ARHGAP5: variants seen among roughly 807,000 people sequenced by gnomAD.
ARHGAP5 encodes the protein Rho GTPase activating protein 5, also known as rho GTPase-activating protein 5.
ARHGAP5 carries 23 observed loss-of-function variants against 116.6 expected under a neutral mutation model. That is an observed-to-expected ratio of 0.20 (90% CI 0.14 to 0.28). The LOEUF is 0.28. Among genes scored for constraint, ARHGAP5 ranks in the 10% least tolerant of loss-of-function variants. The probability of loss-of-function intolerance (pLI) is 1.00; values close to 1 mark genes in which losing one functional copy is unlikely to be tolerated. For synonymous variants in ARHGAP5, 574 were observed against 602.0 expected (o/e 0.95, Z 0.68); for missense variants, 1,405 against 1,774.8 (o/e 0.79, Z 3.74).
chr14:32,157,081 C>T lies in ARHGAP5; in HGVS notation c.*2133C>T, dbSNP rs1881922569. The stretch of plus-strand genomic sequence containing the variant: ...CATTAACCCACCTTGCACCTTCCCC[C>T]AAACTTATCTCCACTTTTCTATGCA... On this transcript the variant is annotated 3_prime_UTR_variant, in exon 7 of 7. Coordinates refer to ENST00000345122, the MANE Select transcript of ARHGAP5 (RefSeq NM_001030055.2). The T allele has an allele frequency of 6.6e-6, 1 of 152,280 alleles. No individual in the cohort carries two copies. The highest frequency in any genetic ancestry group is 2.4e-5 in the African/African-American group (1 of 41,422). The allele number at this position is 152,280 out of a possible 1,614,324, so 9.4% of individuals were successfully genotyped here. A position where few individuals can be genotyped will look rare whatever the true frequency, so the allele number is the denominator to read the frequency against.
At chr14:32,096,936 C>A (rs1007357607) in intron 2 of ARHGAP5, among the ~76,000 whole-genome samples, 6 of 152,282 alleles carry the variant, frequency 3.9e-5, no homozygotes, top group Non-Finnish European at 5.9e-5. Context: ...ATTTTGAAAT[C>A]GACTAACCTC....
chr14:32,114,912 C>T (rs1879478021), intron 2 of ARHGAP5, among the ~76,000 whole-genome samples: 1 of 152,138 alleles, frequency 6.6e-6, no homozygotes, highest in South Asian at 2.1e-4. Flanking sequence ...ATACATTTTT[C>T]TGATTAAAAA....
chr14:32,099,829 C>T (rs1322748866), intron 2 of ARHGAP5, among the ~76,000 whole-genome samples: 1 of 152,126 alleles, frequency 6.6e-6, no homozygotes, highest in Non-Finnish European at 1.5e-5. Flanking sequence ...AGCTTTTGGG[C>T]ATTAATGGCA....
At chr14:32,086,046 G>T (rs114095101) in intron 1 of ARHGAP5, among the ~76,000 whole-genome samples, 3,108 of 152,208 alleles carry the variant, frequency 0.02, 119 homozygotes, top group African/African-American at 0.071. Flanking sequence ...AAAGATTTGT[G>T]CCTTGTGACT....
chr14:32,143,287 G>C (rs1257894685), intron 3 of ARHGAP5, among the ~76,000 whole-genome samples: 1 of 151,874 alleles, frequency 6.6e-6, no homozygotes, highest in Non-Finnish European at 1.5e-5. Flanking sequence ...CTTTCGCCCA[G>C]GCTGGAGTGC....
intron 3 of ARHGAP5, among the ~76,000 whole-genome samples, chr14:32,143,389 C>CCCA (rs887023193): frequency 5.9e-5 from 9 of 152,022 alleles, no homozygotes; most frequent in African/African-American, 1.9e-4. Flanking sequence ...ACTACAGGTG[C>CCCA]CCACCACCAC....
intron 1 of ARHGAP5, chr14:32,078,135 C>T (rs182509494): frequency 4.0e-5 from 6 of 151,244 alleles, no homozygotes; most frequent in East Asian, 3.9e-4. Context: ...TCCTCTCTTT[C>T]CACTAAAGAA....
At chr14:32,123,484 T>A (rs1650123959) in intron 3 of ARHGAP5, among the ~76,000 whole-genome samples, 1 of 152,138 alleles carries the variant, frequency 6.6e-6, no homozygotes, top group African/African-American at 2.4e-5. Context: ...ATAAAATTTA[T>A]AATAGCCATT....
At chr14:32,116,267 TGA>T (rs1879581741) in intron 2 of ARHGAP5, among the ~76,000 whole-genome samples, 1 of 138,956 alleles carries the variant, frequency 7.2e-6, no homozygotes, top group African/African-American at 2.7e-5. Flanking sequence ...CCAGCCTGGG[TGA>T]GAGAGCAAGA....
chr14:32,103,888 A>T (rs1316343139), intron 2 of ARHGAP5, among the ~76,000 whole-genome samples: 1 of 152,226 alleles, frequency 6.6e-6, no homozygotes, highest in Non-Finnish European at 1.5e-5. Context: ...GAATCCTTAC[A>T]ACAAAATATA....
intron 3 of ARHGAP5, among the ~76,000 whole-genome samples, chr14:32,136,268 A>G (rs1384123243): frequency 2.6e-5 from 4 of 152,202 alleles, no homozygotes; most frequent in Admixed American, 6.5e-5. Flanking sequence ...TCCTGTGCCC[A>G]TTAAAGTCAT....
chr14:32,122,330 C>T (rs1879929061), intron 3 of ARHGAP5, among the ~76,000 whole-genome samples: 2 of 152,128 alleles, frequency 1.3e-5, no homozygotes, highest in Non-Finnish European at 2.9e-5. Context: ...GAAGAAATAT[C>T]TATTCAGATC....
At chr14:32,122,632 T>A (rs1254685780) in intron 3 of ARHGAP5, among the ~76,000 whole-genome samples, 23 of 152,226 alleles carry the variant, frequency 1.5e-4, no homozygotes, top group African/African-American at 5.1e-4. Flanking sequence ...TCCAAGAGTT[T>A]TACGGTTTTA....
intron 3 of ARHGAP5, among the ~76,000 whole-genome samples, chr14:32,130,143 G>A (rs1328946959): frequency 2.0e-5 from 3 of 150,896 alleles, no homozygotes; most frequent in Non-Finnish European, 4.4e-5. Context: ...AGCAGCTTAA[G>A]TGATCATCTT....
At chr14:32,135,271 A>G (rs1040110948) in intron 3 of ARHGAP5, among the ~76,000 whole-genome samples, 3 of 152,368 alleles carry the variant, frequency 2.0e-5, no homozygotes, top group East Asian at 3.9e-4. Flanking sequence ...AATGCAAAAA[A>G]TACATTTAAC....
intron 1 of ARHGAP5, among the ~76,000 whole-genome samples, chr14:32,083,514 T>G (rs1325481710): frequency 6.6e-6 from 1 of 152,236 alleles, no homozygotes; most frequent in Non-Finnish European, 1.5e-5. Flanking sequence ...TTTCATTTCT[T>G]TGAATTCCTG....
At chr14:32,131,296 T>G (rs1880478648) in intron 3 of ARHGAP5, among the ~76,000 whole-genome samples, 1 of 151,912 alleles carries the variant, frequency 6.6e-6, no homozygotes, top group Non-Finnish European at 1.5e-5. Flanking sequence ...TATTTTATTT[T>G]TGCATTTCTA....
At chr14:32,110,971 TC>T (rs1336168839) in intron 2 of ARHGAP5, among the ~76,000 whole-genome samples, 2 of 152,230 alleles carry the variant, frequency 1.3e-5, no homozygotes, top group African/African-American at 4.8e-5. Flanking sequence ...GAGAGGTTTT[TC>T]TTAGACTTTA....
Position 32,121,494 on chromosome 14 carries a change from TATA to T in ARHGAP5, c.3865+4210_3865+4212del, listed in dbSNP as rs564933088. 2.3e-3 allele frequency among the ~76,000 whole-genome samples: 348 copies of T among 152,362 alleles called. 6 individuals carry two copies. The highest frequency in any genetic ancestry group is 8.1e-3 in the African/African-American group (335 of 41,600). On this transcript the variant is annotated intron_variant, in intron 3 of 6. Coordinates refer to ENST00000345122, the MANE Select transcript of ARHGAP5 (RefSeq NM_001030055.2). ...GTTCTGTTGTTATATATTTTAAATC[TATA>T]ATGTTTTAAAATCACCATACATGTT...
Sources: allele counts gnomAD v4.1 joint callset (sites outside exome capture counted in the v4.1 genomes callset), GRCh38; gene constraint gnomAD v4.1.1; transcripts MANE v1.5; gene names NCBI Gene and HGNC (gene_info 2026-07-23, HGNC 2026-07-21).